Variants in REEP3 observed in about 807,000 individuals in gnomAD.
The protein encoded by REEP3 is receptor expression-enhancing protein 3.
A neutral mutation model predicts 41.3 loss-of-function variants in REEP3; 20 were observed. The observed-to-expected ratio is 0.48, with a 90% CI of 0.34 to 0.70. The LOEUF is 0.70. Ranked by LOEUF, REEP3 falls within the 30% of genes least tolerant of loss-of-function variation. The probability of loss-of-function intolerance (pLI) is 0.01; values close to 1 mark genes in which losing one functional copy is unlikely to be tolerated. For synonymous variants in REEP3, 104 were observed against 101.8 expected (o/e 1.02, Z -0.13); for missense variants, 271 against 308.8 (o/e 0.88, Z 0.92).
chr10:63,578,649 C>T lies in REEP3; in HGVS notation c.105+12239C>T, dbSNP rs548838252. 8.5e-5 allele frequency among the ~76,000 whole-genome samples: 13 copies of T among 152,122 alleles called. No homozygotes were observed. In the East Asian group the frequency reaches 2.1e-3, roughly 25 times the overall value. ...AAAATTATCCAGGTGTGATGGTACA[C>T]GCCTGTAGTCCCAGCCACTTGAGAG... On this transcript the variant is annotated intron_variant, in intron 2 of 7. Coordinates refer to ENST00000373758, the MANE Select transcript of REEP3 (RefSeq NM_001001330.3).
intron 1 of REEP3, among the ~76,000 whole-genome samples, chr10:63,524,355 T>C (rs567962265): frequency 6.6e-6 from 1 of 152,244 alleles, no homozygotes; most frequent in East Asian, 1.9e-4. Context: ...GGAACCTCCA[T>C]AACCAAAGCA....
intron 6 of REEP3, among the ~76,000 whole-genome samples, chr10:63,619,111 GC>G (rs1456749489): frequency 6.6e-6 from 1 of 152,148 alleles, no homozygotes; most frequent in Non-Finnish European, 1.5e-5. Context: ...CTCATCACCT[GC>G]CCCCAGTGAC....
chr10:63,617,832 T>C (rs977994192), intron 6 of REEP3, among the ~76,000 whole-genome samples: 1 of 143,970 alleles, frequency 6.9e-6, no homozygotes, highest in Middle Eastern at 3.2e-3. Flanking sequence ...TTTTTTTTTT[T>C]TTTTTTTAAA....
intron 2 of REEP3, among the ~76,000 whole-genome samples, chr10:63,576,541 C>T (rs932685436): frequency 6.6e-6 from 1 of 152,178 alleles, no homozygotes; most frequent in Admixed American, 6.5e-5. Context: ...TAAAAAGACA[C>T]CAGTCACATA....
At chr10:63,611,125 C>T (rs1473780057) in intron 6 of REEP3, among the ~76,000 whole-genome samples, 1 of 152,152 alleles carries the variant, frequency 6.6e-6, no homozygotes, top group Non-Finnish European at 1.5e-5. Context: ...GATCATCTAG[C>T]TAACAAAGTA....
intron 1 of REEP3, among the ~76,000 whole-genome samples, chr10:63,556,260 C>G (rs575089166): frequency 2.0e-5 from 3 of 152,034 alleles, no homozygotes; most frequent in Non-Finnish European, 2.9e-5. Context: ...GGATTACAGG[C>G]GCGGGCCACC....
At position 63,599,295 on chromosome 10, in the gene REEP3, T is replaced by A; in HGVS notation, c.417+12T>A. On this transcript the variant is annotated intron_variant, in intron 5 of 7. Transcript: ENST00000373758. ...CTGCAGCAGTAAAGGTAATTGTTCA[T>A]TTACCTTTTTAATCCAATGTCATAT... 10 of 1,207,320 alleles carry A rather than the reference T, an allele frequency of 8.3e-6. No homozygotes were observed. Among genetic ancestry groups the A allele is most frequent in the Non-Finnish European group, 1.0e-5 (9 of 861,460 alleles). The allele number at this position is 1,207,320 out of a possible 1,614,324, so 74.8% of individuals were successfully genotyped here.
chr10:63,619,837 T>G, intron 7 of REEP3, 37 bp downstream of exon 7: 1 of 1,565,574 alleles, frequency 6.4e-7, no homozygotes, highest in Non-Finnish European at 8.7e-7. Flanking sequence ...TAATGATTAG[T>G]GAAGGATTTC....
chr10:63,604,769 AT>A (rs899174865), intron 5 of REEP3, among the ~76,000 whole-genome samples: 1 of 152,238 alleles, frequency 6.6e-6, no homozygotes, highest in African/African-American at 2.4e-5. Context: ...AATTGAGTTA[AT>A]CTGGATTTTT....
At chr10:63,556,341 C>G (rs1418045939) in intron 1 of REEP3, among the ~76,000 whole-genome samples, 1 of 151,706 alleles carries the variant, frequency 6.6e-6, no homozygotes, top group Non-Finnish European at 1.5e-5. Flanking sequence ...AGGCTGGTCT[C>G]GAACTCCTGA....
chr10:63,584,758 G>A (rs1056719910), intron 2 of REEP3, among the ~76,000 whole-genome samples: 3 of 152,170 alleles, frequency 2.0e-5, no homozygotes, highest in Admixed American at 6.5e-5. Flanking sequence ...TGTTGTCTCT[G>A]AAATGTGGTG....
At chr10:63,530,423 C>A (rs969663074) in intron 1 of REEP3, among the ~76,000 whole-genome samples, 1 of 151,964 alleles carries the variant, frequency 6.6e-6, no homozygotes. Flanking sequence ...TGCTATTAGA[C>A]AATGAGAAAT....
Position 63,620,899 on chromosome 10 carries a change from A to G in REEP3, c.*30A>G, listed in dbSNP as rs747022781. 1.1e-5 allele frequency: 15 copies of G among 1,370,350 alleles called. No individual in the cohort carries two copies. In the Admixed American group the frequency reaches 2.6e-4, roughly 23 times the overall value. 84.9% of individuals were successfully genotyped at this position (1,370,350 alleles called of 1,614,324 possible). On this transcript the variant is annotated 3_prime_UTR_variant, in exon 8 of 8. Transcript: ENST00000373758. The stretch of plus-strand genomic sequence containing the variant: ...CTACACGTCAAATATCCCAAGACAG[A>G]TTATGCTAAATACATCGACTTCATC...
intron 6 of REEP3, among the ~76,000 whole-genome samples, chr10:63,617,780 T>G (rs1413722210): frequency 6.8e-6 from 1 of 146,256 alleles, no homozygotes. Flanking sequence ...ATCTATCCCG[T>G]GCCTTCTCCT....
chr10:63,580,623 T>G (rs758017499), intron 2 of REEP3, among the ~76,000 whole-genome samples: 10 of 151,918 alleles, frequency 6.6e-5, no homozygotes, highest in Non-Finnish European at 1.5e-4. Context: ...AGGTATAGGG[T>G]AAGATAGAAA....
chr10:63,609,227 C>T (rs1280943164), intron 5 of REEP3, among the ~76,000 whole-genome samples: 1 of 150,434 alleles, frequency 6.6e-6, no homozygotes, highest in African/African-American at 2.5e-5. Context: ...CCGAGGCAGG[C>T]GGATCACGAG....
rs1008497212 is a variant in REEP3 at position 63,601,915 on chromosome 10, C to T, written c.417+2632C>T. ...CAGCCTAGGTGACAAGAGTGAAACT[C>T]CATCTCAAAAAATACTAATAATAAA... is the stretch of plus-strand genomic sequence containing the variant. On this transcript the variant is annotated intron_variant, in intron 5 of 7. Coordinates refer to ENST00000373758, the MANE Select transcript of REEP3 (RefSeq NM_001001330.3). 2.0e-5 allele frequency among the ~76,000 whole-genome samples: 3 copies of T among 151,592 alleles called. No homozygotes were observed. In the East Asian group the frequency reaches 5.8e-4, roughly 29 times the overall value.
chr10:63,589,543 C>G lies in REEP3; in HGVS notation c.106-5235C>G, dbSNP rs550567713. On this transcript the variant is annotated intron_variant, in intron 2 of 7. Coordinates refer to ENST00000373758, the MANE Select transcript of REEP3 (RefSeq NM_001001330.3). ...CCACCAGTTAGCTGTGACCGTGGCT[C>G]TCACCTGCTTACCATCTTTGGGTTC... 4.6e-5 allele frequency among the ~76,000 whole-genome samples: 7 copies of G among 152,262 alleles called. 1 individual carries two copies. The South Asian group carries it at 6.2e-4, about 14-fold the overall frequency.
At chr10:63,613,054 G>C (rs1043565718) in intron 6 of REEP3, among the ~76,000 whole-genome samples, 1 of 151,200 alleles carries the variant, frequency 6.6e-6, no homozygotes, top group Admixed American at 6.6e-5. Flanking sequence ...CTCTGTCACC[G>C]AGGCTGGTGT....
Sources: gnomAD v4.1 joint callset for allele counts (sites outside exome capture counted in the v4.1 genomes callset) on GRCh38, gnomAD v4.1.1 for gene constraint, MANE v1.5 for transcripts, NCBI Gene and HGNC (gene_info 2026-07-23, HGNC 2026-07-21) for gene names.